Variants in SGCD observed in about 807,000 individuals in gnomAD.
SGCD encodes the protein sarcoglycan delta, also known as delta-sarcoglycan.
SGCD carries 18 observed loss-of-function variants against 36.6 expected under a neutral mutation model. The observed-to-expected ratio is 0.49, with a 90% confidence interval of 0.34 to 0.73. SGCD has a LOEUF of 0.73. Among genes scored for constraint, SGCD ranks in the 30% least tolerant of loss-of-function variants. The pLI is 0.01. For synonymous variants in SGCD, 133 were observed against 130.6 expected, an observed-to-expected ratio of 1.02 and a Z score of -0.12; for missense variants, 387 against 346.7, an observed-to-expected ratio of 1.12 and a Z score of -0.92.
At chr5:156,101,763 C>T (rs892310307) in intron 1 of SGCD, among the ~76,000 whole-genome samples, 4 of 152,068 alleles carry the variant, frequency 2.6e-5, no homozygotes, top group Non-Finnish European at 5.9e-5. Flanking sequence ...TTTTCAGAGA[C>T]TTTTTCAGTC....
chr5:156,187,934 G>C (rs532078347), intron 3 of SGCD, among the ~76,000 whole-genome samples: 1 of 152,300 alleles, frequency 6.6e-6, no homozygotes, highest in South Asian at 2.1e-4. Context: ...GGAGGTACAA[G>C]GTATGGTGAG....
At chr5:156,698,070 A>C (rs2113722462) in intron 7 of SGCD, among the ~76,000 whole-genome samples, 1 of 152,256 alleles carries the variant, frequency 6.6e-6, no homozygotes, top group East Asian at 1.9e-4. Context: ...TAATTGACCT[A>C]GCTCTGCTGT....
At chr5:156,736,406 T>C (rs1264030547) in intron 7 of SGCD, among the ~76,000 whole-genome samples, 1 of 152,204 alleles carries the variant, frequency 6.6e-6, no homozygotes, top group Non-Finnish European at 1.5e-5. Flanking sequence ...TGATAAACTA[T>C]TATTTTTCAT....
At chr5:156,460,512 A>C (rs1302548028) in intron 3 of SGCD, among the ~76,000 whole-genome samples, 1 of 152,182 alleles carries the variant, frequency 6.6e-6, no homozygotes, top group African/African-American at 2.4e-5. Flanking sequence ...CCAGTTAGGC[A>C]TGCCACAGAC....
chr5:156,566,602 T>A (rs1345154507), intron 4 of SGCD, among the ~76,000 whole-genome samples: 1 of 152,188 alleles, frequency 6.6e-6, no homozygotes. Flanking sequence ...ATTTATTTAA[T>A]ATGTTCCTGT....
At chr5:155,835,002 A>ATTTTTTTTTT in the SGCD span, among the ~76,000 whole-genome samples, 11 of 60,178 alleles carry the variant, frequency 1.8e-4, 2 homozygotes, top group South Asian at 7.7e-4. Flanking sequence ...TGCCCAGCTA[A>ATTTTTTTTTT]TTTTTTTTTT....
intron 4 of SGCD, among the ~76,000 whole-genome samples, chr5:156,533,106 C>T (rs765052549): frequency 9.9e-5 from 15 of 152,138 alleles, no homozygotes; most frequent in Non-Finnish European, 2.1e-4. Flanking sequence ...CCATGCAGGA[C>T]GCTTGCCAGT....
At chr5:156,516,334 C>A (rs1404634451) in intron 4 of SGCD, among the ~76,000 whole-genome samples, 1 of 152,224 alleles carries the variant, frequency 6.6e-6, no homozygotes, top group Non-Finnish European at 1.5e-5. Context: ...AAGGAGCAGA[C>A]AGCCGTCCTT....
At chr5:156,360,894 C>G (rs1327182989) in intron 3 of SGCD, among the ~76,000 whole-genome samples, 1 of 152,146 alleles carries the variant, frequency 6.6e-6, no homozygotes, top group Non-Finnish European at 1.5e-5. Flanking sequence ...GGCTTGGCGC[C>G]CACCAAGAGT....
At chr5:156,197,404 A>C (rs765872294) in intron 3 of SGCD, among the ~76,000 whole-genome samples, 6 of 151,802 alleles carry the variant, frequency 4.0e-5, no homozygotes, top group Non-Finnish European at 5.9e-5. Flanking sequence ...TTTAAAAAGC[A>C]TATGTTGAAT....
chr5:155,903,940 C>T (rs558382785), intron 1 of SGCD, among the ~76,000 whole-genome samples: 15 of 152,244 alleles, frequency 9.9e-5, no homozygotes, highest in African/African-American at 2.9e-4. Context: ...GCTTTGGCTG[C>T]GTGTCAGAAG....
chr5:155,783,142 A>G, the SGCD span, among the ~76,000 whole-genome samples: 2 of 152,204 alleles, frequency 1.3e-5, no homozygotes, highest in Non-Finnish European at 2.9e-5. Flanking sequence ...CTTGAAGATT[A>G]AATGACACAA....
In SGCD at chr5:156,594,970, G is replaced by T. The variant is rs1382070084; in HGVS notation, c.421G>T (p.Val141Leu). The T allele has an allele frequency of 4.3e-6, 7 of 1,612,032 alleles. No homozygotes were observed. Among genetic ancestry groups the T allele is most frequent in the Non-Finnish European group, 5.9e-6 (7 of 1,178,788 alleles). ...AVEAYGKKFE[V>L]KTVSGKLLFS... is the part of the protein sequence containing the mutation. The stretch of plus-strand genomic sequence containing the variant: ...AGAAGCTTATGGTAAAAAATTTGAG[G>T]TAAAAACTGTTTCTGGAAAATTGCT... The change falls in exon 6 of 9, where the codon GTA (valine) becomes TTA (leucine). Residue 141 changes from valine to leucine, a missense_variant. Transcript: ENST00000337851.
intron 4 of SGCD, among the ~76,000 whole-genome samples, chr5:156,587,829 C>G (rs1402863941): frequency 6.6e-6 from 1 of 151,942 alleles, no homozygotes; most frequent in Non-Finnish European, 1.5e-5. Context: ...CAGGGAAGTC[C>G]CCCAAACATC....
intron 7 of SGCD, among the ~76,000 whole-genome samples, chr5:156,696,079 C>T (rs1481434019): frequency 6.6e-6 from 1 of 152,310 alleles, no homozygotes; most frequent in South Asian, 2.1e-4. Flanking sequence ...TTCTAGGATG[C>T]CCCTCACCTT....
chr5:155,984,068 T>G (rs1412905126), intron 1 of SGCD, among the ~76,000 whole-genome samples: 3 of 152,230 alleles, frequency 2.0e-5, no homozygotes, highest in Non-Finnish European at 4.4e-5. Flanking sequence ...TCTCCTTGTT[T>G]GAAGACCTTG....
At chr5:156,165,691 A>T (rs930058893) in intron 3 of SGCD, among the ~76,000 whole-genome samples, 1 of 152,198 alleles carries the variant, frequency 6.6e-6, no homozygotes, top group Non-Finnish European at 1.5e-5. Context: ...AAGGTTTAGA[A>T]ATCTTGCAAA....
chr5:156,651,791 T>G (rs1474667339), intron 7 of SGCD, among the ~76,000 whole-genome samples: 1 of 152,066 alleles, frequency 6.6e-6, no homozygotes, highest in Non-Finnish European at 1.5e-5. Flanking sequence ...TGGTTCCATA[T>G]GAATTTTAGA....
At chr5:155,757,448 G>C in the SGCD span, among the ~76,000 whole-genome samples, 9 of 152,166 alleles carry the variant, frequency 5.9e-5, no homozygotes, top group Admixed American at 5.9e-4. Flanking sequence ...ACTTTCAGTA[G>C]GGCGGGTAAT....
Sources: allele counts gnomAD v4.1 joint callset (sites outside exome capture counted in the v4.1 genomes callset), GRCh38; gene constraint gnomAD v4.1.1; transcripts MANE v1.5; gene names NCBI Gene and HGNC (gene_info 2026-07-23, HGNC 2026-07-21).